DGKB: variants seen among roughly 807,000 people sequenced by gnomAD.
The protein encoded by DGKB is 90 kDa diacylglycerol kinase.
DGKB carries 67 observed loss-of-function variants against 114.3 expected under a neutral mutation model. The ratio of observed to expected loss-of-function variants is 0.59; its 90% CI spans 0.48 to 0.72. The LOEUF (loss-of-function observed/expected upper bound fraction) is 0.72, where lower values mean the gene tolerates loss of function less well. Ranked by LOEUF, DGKB falls within the 30% of genes least tolerant of loss-of-function variation. The pLI, the probability that DGKB is intolerant of heterozygous loss-of-function variation, is 0.00. For synonymous variants in DGKB, 398 were observed against 323.1 expected (o/e 1.23, Z -2.49); for missense variants, 907 against 975.2 (o/e 0.93, Z 0.93).
chr7:14,631,284 A>AAG (rs1809655749), intron 13 of DGKB, among the ~76,000 whole-genome samples: 2 of 146,436 alleles, frequency 1.4e-5, no homozygotes, highest in South Asian at 2.2e-4. Flanking sequence ...AAAAAAAAAG[A>AAG]AAAAAATAGC....
chr7:14,497,799 T>C (rs1785521453), intron 20 of DGKB, among the ~76,000 whole-genome samples: 1 of 152,028 alleles, frequency 6.6e-6, no homozygotes, highest in East Asian at 1.9e-4. Context: ...CAGCTGGTAT[T>C]TGAACACAGC....
At chr7:14,477,482 T>TGCCCC (rs1563275054) in intron 21 of DGKB, among the ~76,000 whole-genome samples, 1 of 152,224 alleles carries the variant, frequency 6.6e-6, no homozygotes, top group African/African-American at 2.4e-5. Flanking sequence ...TCACTTCTTC[T>TGCCCC]GCCCCACTTT....
chr7:14,165,736 C>A (rs1220354191), intron 25 of DGKB, among the ~76,000 whole-genome samples: 1 of 152,056 alleles, frequency 6.6e-6, no homozygotes, highest in Non-Finnish European at 1.5e-5. Flanking sequence ...TTCGAATGGG[C>A]CTTTGAAAGG....
At chr7:14,769,127 G>C (rs4380828) in intron 2 of DGKB, among the ~76,000 whole-genome samples, 4 of 63,512 alleles carry the variant, frequency 6.3e-5, no homozygotes, top group African/African-American at 3.4e-4. Flanking sequence ...GAAAGAAAGA[G>C]AGAGAGAGAA....
At chr7:14,933,888 T>A (rs1171820875) in intron 1 of DGKB, among the ~76,000 whole-genome samples, 2 of 152,052 alleles carry the variant, frequency 1.3e-5, no homozygotes, top group African/African-American at 2.4e-5. Flanking sequence ...TTGCTTTTTT[T>A]TAAATCAATT....
At chr7:14,359,388 C>T (rs890954681) in intron 21 of DGKB, among the ~76,000 whole-genome samples, 3 of 152,054 alleles carry the variant, frequency 2.0e-5, no homozygotes, top group Admixed American at 1.3e-4. Context: ...TAGGCAATAC[C>T]ATTCTGGACA....
intron 23 of DGKB, among the ~76,000 whole-genome samples, chr7:14,227,912 AAAATAAAATAGT>A (rs1791079060): frequency 6.6e-6 from 1 of 152,072 alleles, no homozygotes; most frequent in Non-Finnish European, 1.5e-5. Flanking sequence ...AAGAAAATAT[AAAATAAAATAGT>A]TTAGCAAGAT....
At chr7:14,902,104 C>T (rs900290910) in intron 1 of DGKB, among the ~76,000 whole-genome samples, 5 of 152,086 alleles carry the variant, frequency 3.3e-5, no homozygotes, top group African/African-American at 9.7e-5. Flanking sequence ...ACCTACTTCA[C>T]GTTTTATTTT....
At chr7:14,911,836 T>G (rs1035056342) in intron 1 of DGKB, among the ~76,000 whole-genome samples, 2 of 152,218 alleles carry the variant, frequency 1.3e-5, no homozygotes, top group Non-Finnish European at 2.9e-5. Flanking sequence ...GTAAAATTAA[T>G]GGACCATTCT....
intron 13 of DGKB, among the ~76,000 whole-genome samples, chr7:14,672,586 G>T (rs918717821): frequency 2.6e-5 from 4 of 151,928 alleles, no homozygotes; most frequent in Admixed American, 2.6e-4. Flanking sequence ...CAGCAAAATT[G>T]CCCATAAGAA....
At chr7:14,901,605 A>AACCCCCCCC (rs1562855781) in intron 1 of DGKB, among the ~76,000 whole-genome samples, 3 of 123,092 alleles carry the variant, frequency 2.4e-5, no homozygotes, top group South Asian at 3.0e-4. Context: ...AGGGATTTCC[A>AACCCCCCCC]CCCCCCCCCA....
intron 23 of DGKB, among the ~76,000 whole-genome samples, chr7:14,227,528 C>T (rs140949195): frequency 2.0e-3 from 302 of 152,104 alleles, no homozygotes; most frequent in Middle Eastern, 0.014. Flanking sequence ...ATCTAAATTT[C>T]TATTTTATAT....
At chr7:14,593,723 A>T (rs1022084715) in intron 17 of DGKB, among the ~76,000 whole-genome samples, 1 of 151,902 alleles carries the variant, frequency 6.6e-6, no homozygotes, top group African/African-American at 2.4e-5. Flanking sequence ...TTTTAGACTG[A>T]GCTTCTGCAC....
intron 21 of DGKB, among the ~76,000 whole-genome samples, chr7:14,400,846 C>T (rs1822994740): frequency 6.6e-6 from 1 of 151,724 alleles, no homozygotes; most frequent in South Asian, 2.1e-4. Context: ...GAGGGAGAGA[C>T]CTCTTAGATA....
At chr7:14,475,904 G>A (rs1196232683) in intron 21 of DGKB, among the ~76,000 whole-genome samples, 1 of 152,020 alleles carries the variant, frequency 6.6e-6, no homozygotes. Flanking sequence ...TTATTCTGCA[G>A]AAAGAAATTC....
At chr7:14,807,257 C>A (rs1842890688) in intron 2 of DGKB, among the ~76,000 whole-genome samples, 1 of 151,908 alleles carries the variant, frequency 6.6e-6, no homozygotes, top group African/African-American at 2.4e-5. Context: ...TCTGTTTCAC[C>A]TACTATATTT....
At chr7:14,363,082 G>A (rs1411650194) in intron 21 of DGKB, among the ~76,000 whole-genome samples, 2 of 152,114 alleles carry the variant, frequency 1.3e-5, no homozygotes, top group Non-Finnish European at 2.9e-5. Flanking sequence ...AAACCACTAG[G>A]AGAGGGAGAC....
At chr7:14,486,087 A>G (rs1283181910) in intron 20 of DGKB, among the ~76,000 whole-genome samples, 1 of 152,128 alleles carries the variant, frequency 6.6e-6, no homozygotes. Flanking sequence ...ATTATTCCAT[A>G]AAGTTGGACA....
intron 23 of DGKB, among the ~76,000 whole-genome samples, chr7:14,210,106 G>C (rs895621708): frequency 1.3e-5 from 2 of 152,078 alleles, no homozygotes; most frequent in Non-Finnish European, 2.9e-5. Flanking sequence ...AACACCTCCA[G>C]TGCCAGGTGC....
Sources: allele counts gnomAD v4.1 joint callset (sites outside exome capture counted in the v4.1 genomes callset), GRCh38; gene constraint gnomAD v4.1.1; transcripts MANE v1.5; gene names NCBI Gene and HGNC (gene_info 2026-07-23, HGNC 2026-07-21).